The following ASTN2 variants were observed in gnomAD, a reference collection of about 807,000 sequenced individuals.
The protein encoded by ASTN2 is astrotactin 2.
Under a neutral mutation model 139.8 loss-of-function variants are expected in ASTN2, and 54 were observed. The ratio of observed to expected loss-of-function variants is 0.39; its 90% CI spans 0.31 to 0.48. The LOEUF is 0.48. ASTN2 is among the 20% of genes least tolerant of loss of function. The probability of loss-of-function intolerance (pLI) is 0.95; values close to 1 mark genes in which losing one functional copy is unlikely to be tolerated. For synonymous variants in ASTN2, 756 were observed against 719.5 expected, an observed-to-expected ratio of 1.05 and a Z score of -0.81; for missense variants, 1,565 against 1,725.1, an observed-to-expected ratio of 0.91 and a Z score of 1.64.
At chr9:116,565,410 TA>T (rs1564120487) in intron 19 of ASTN2, among the ~76,000 whole-genome samples, 1 of 124,246 alleles carries the variant, frequency 8.0e-6, no homozygotes, top group Non-Finnish European at 1.7e-5. Flanking sequence ...TATATATATA[TA>T]TATATATATA....
At chr9:117,151,211 T>C (rs1830320199) in intron 3 of ASTN2, among the ~76,000 whole-genome samples, 2 of 152,028 alleles carry the variant, frequency 1.3e-5, no homozygotes, top group African/African-American at 2.4e-5. Flanking sequence ...CCATTAGTCA[T>C]ATAGTCATAG....
chr9:116,746,992 G>T (rs1829255801), intron 13 of ASTN2, among the ~76,000 whole-genome samples: 1 of 152,134 alleles, frequency 6.6e-6, no homozygotes. Flanking sequence ...ATTCAGCTGT[G>T]GTACCGCGAT....
chr9:117,233,892 T>TA (rs771426075), intron 2 of ASTN2, among the ~76,000 whole-genome samples: 2 of 152,172 alleles, frequency 1.3e-5, no homozygotes, highest in African/African-American at 2.4e-5. Flanking sequence ...TTGTCTCTCA[T>TA]AAAAAATATA....
At chr9:116,436,003 A>T (rs1282433898) in intron 22 of ASTN2, among the ~76,000 whole-genome samples, 1 of 152,208 alleles carries the variant, frequency 6.6e-6, no homozygotes, top group East Asian at 1.9e-4. Flanking sequence ...GTCCATTCAC[A>T]TGCCAAATGC....
intron 1 of ASTN2, among the ~76,000 whole-genome samples, chr9:117,382,581 C>T (rs774444049): frequency 2.0e-5 from 3 of 152,244 alleles, no homozygotes; most frequent in South Asian, 2.1e-4. Context: ...CATCTTTGCT[C>T]TACACTAGAA....
intron 3 of ASTN2, among the ~76,000 whole-genome samples, chr9:117,187,925 T>G (rs1831244357): frequency 6.6e-6 from 1 of 152,168 alleles, no homozygotes; most frequent in African/African-American, 2.4e-5. Flanking sequence ...CACGTTCTTG[T>G]GAAACTGGAA....
chr9:116,647,849 G>C (rs1041627291), intron 17 of ASTN2, among the ~76,000 whole-genome samples: 1 of 152,180 alleles, frequency 6.6e-6, no homozygotes, highest in Non-Finnish European at 1.5e-5. Flanking sequence ...GTCTCATTCT[G>C]TTACCCAGGT....
chr9:117,406,505 T>A (rs1020361500), intron 1 of ASTN2, among the ~76,000 whole-genome samples: 9 of 152,180 alleles, frequency 5.9e-5, no homozygotes, highest in African/African-American at 2.2e-4. Context: ...CCACCACTTG[T>A]TCACTGCATT....
intron 5 of ASTN2, among the ~76,000 whole-genome samples, chr9:117,075,504 G>GGGA (rs1365225127): frequency 6.0e-5 from 9 of 149,398 alleles, no homozygotes; most frequent in African/African-American, 2.2e-4. Flanking sequence ...AAGGGGGAGG[G>GGGA]GGAGGAGGAG....
At chr9:117,187,197 T>C (rs1214614075) in intron 3 of ASTN2, among the ~76,000 whole-genome samples, 1 of 152,134 alleles carries the variant, frequency 6.6e-6, no homozygotes, top group East Asian at 1.9e-4. Flanking sequence ...GTGTGTATGA[T>C]TATGTACATT....
At chr9:116,776,026 C>A (rs1411484614) in intron 13 of ASTN2, among the ~76,000 whole-genome samples, 1 of 152,140 alleles carries the variant, frequency 6.6e-6, no homozygotes, top group Non-Finnish European at 1.5e-5. Context: ...GGGTGCCCCA[C>A]TGAAGGGAGA....
At chr9:116,887,492 G>A (rs1406924704) in intron 10 of ASTN2, among the ~76,000 whole-genome samples, 1 of 151,878 alleles carries the variant, frequency 6.6e-6, no homozygotes, top group Non-Finnish European at 1.5e-5. Context: ...CAGGTGCAAA[G>A]GCCCAGGGGC....
chr9:116,511,185 C>G (rs1034065099), intron 19 of ASTN2, among the ~76,000 whole-genome samples: 1 of 152,166 alleles, frequency 6.6e-6, no homozygotes, highest in South Asian at 2.1e-4. Flanking sequence ...CGATCAATAC[C>G]TAACTTATTG....
chr9:117,321,401 C>G (rs1000881752), intron 1 of ASTN2, among the ~76,000 whole-genome samples: 1 of 152,190 alleles, frequency 6.6e-6, no homozygotes. Context: ...TCTCTCTAAA[C>G]AAACCAGTTC....
chr9:116,475,846 C>T (rs941770982), intron 20 of ASTN2, among the ~76,000 whole-genome samples: 4 of 152,170 alleles, frequency 2.6e-5, no homozygotes, highest in African/African-American at 9.7e-5. Context: ...CCTCGCCTGC[C>T]TCCATAGCCC....
intron 1 of ASTN2, among the ~76,000 whole-genome samples, chr9:117,320,697 G>GAGC (rs1828298340): frequency 2.0e-5 from 3 of 152,234 alleles, no homozygotes; most frequent in African/African-American, 7.2e-5. Context: ...CACGGACTCT[G>GAGC]AGCAGCACTG....
rs1423607373 is a variant in ASTN2, at chr9:116,805,834, C to G, written c.2208-14G>C. ...TCCTCCACGCAACTGTATGATAAAA[C>G]AGAGCTCAGAATTAGCTTCACATCC... On this transcript the variant is annotated splice_polypyrimidine_tract_variant and intron_variant, in intron 12 of 22. Coordinates refer to ENST00000313400, the MANE Select transcript of ASTN2 (RefSeq NM_001365068.1). 6.2e-7 allele frequency: 1 copy of G among 1,610,932 alleles called. No homozygotes were observed. Among genetic ancestry groups the G allele is most frequent in the Non-Finnish European group, 8.5e-7 (1 of 1,178,196 alleles).
intron 17 of ASTN2, among the ~76,000 whole-genome samples, chr9:116,639,448 T>A (rs576977874): frequency 6.6e-6 from 1 of 152,320 alleles, no homozygotes; most frequent in South Asian, 2.1e-4. Flanking sequence ...ATGACTTTTT[T>A]TTTCTTCTTA....
intron 3 of ASTN2, among the ~76,000 whole-genome samples, chr9:117,212,604 A>C (rs1832173889): frequency 6.6e-6 from 1 of 151,576 alleles, no homozygotes; most frequent in African/African-American, 2.4e-5. Context: ...AAAACCCTCC[A>C]ATCTAATAAA....
Sources: allele counts gnomAD v4.1 joint callset (sites outside exome capture counted in the v4.1 genomes callset), GRCh38; gene constraint gnomAD v4.1.1; transcripts MANE v1.5; gene names NCBI Gene and HGNC (gene_info 2026-07-23, HGNC 2026-07-21).